The following DCLRE1A variants were observed in gnomAD, a reference collection of about 807,000 sequenced individuals.
DCLRE1A encodes DNA cross-link repair 1A.
DCLRE1A carries 64 observed loss-of-function variants against 91.9 expected under a neutral mutation model. The ratio of observed to expected loss-of-function variants is 0.70; its 90% CI spans 0.57 to 0.86. The LOEUF is 0.86. DCLRE1A is among the 40% of genes least tolerant of loss of function. DCLRE1A has a pLI of 0.00. For missense variants in DCLRE1A, 1,145 were observed against 1,213.3 expected, an observed-to-expected ratio of 0.94 and a Z score of 0.84; for synonymous variants, 416 against 431.1, an observed-to-expected ratio of 0.96 and a Z score of 0.43.
At chr10:113,851,406 C>A in intron 1 of DCLRE1A, among the ~76,000 whole-genome samples, 1 of 152,010 alleles carries the variant, frequency 6.6e-6, no homozygotes, top group Admixed American at 6.5e-5. Context: ...ACATGAAAGC[C>A]ATATTGAGTA....
chr10:113,842,244 TA>T, intron 6 of DCLRE1A, 98 bp downstream of exon 6: 1 of 1,039,258 alleles, frequency 9.6e-7, no homozygotes, highest in Non-Finnish European at 1.3e-6. Flanking sequence ...TTACAGGAAA[TA>T]ATTATCAAAT....
intron 8 of DCLRE1A, among the ~76,000 whole-genome samples, chr10:113,836,221 C>T (rs1403785951): frequency 6.6e-6 from 1 of 152,242 alleles, no homozygotes; most frequent in East Asian, 1.9e-4. Context: ...TGGACTAATA[C>T]AGATATGAAA....
At chr10:113,847,038 G>C (rs1042736895) in intron 3 of DCLRE1A, among the ~76,000 whole-genome samples, 164 bp downstream of exon 3, 2 of 152,110 alleles carry the variant, frequency 1.3e-5, no homozygotes, top group African/African-American at 2.4e-5. Context: ...ACTGAAACTT[G>C]ACATCAACTC....
At position 113,849,720 on chromosome 10, in the gene DCLRE1A, T is replaced by A. The variant is rs1385444229; in HGVS notation, c.1385A>T (p.Lys462Met). 1.4e-5 allele frequency: 22 copies of A among 1,614,112 alleles called. No individual in the cohort carries two copies. Among genetic ancestry groups the A allele is most frequent in the Non-Finnish European group, 1.8e-5 (21 of 1,180,048 alleles). ...TTCAAAAGGTTTCAACATTAAACTC[T>A]TAACTAACGGAAGAGAAACTTGATT... ...VYNQVSLPLV[K>M]SLMLKPFESQ... is the part of the protein sequence containing the mutation. Residue 462 changes from lysine to methionine, a missense_variant, in exon 2 of 9, where the codon AAG becomes ATG. By Grantham distance (95) the Lys-to-Met change is moderately conservative. Coordinates refer to ENST00000361384, the MANE Select transcript of DCLRE1A (RefSeq NM_014881.5).
chr10:113,847,374 C>T (rs1292854208), intron 2 of DCLRE1A, 39 bp from the exon 3 acceptor site: 1 of 1,604,550 alleles, frequency 6.2e-7, no homozygotes, highest in Non-Finnish European at 8.5e-7. Context: ...TGAGCAAGAG[C>T]TAAGATACCC....
Position 113,853,124 on chromosome 10 carries a change from T to A in DCLRE1A, c.59A>T (p.Lys20Ile). 6.3e-7 allele frequency: 1 copy of A among 1,594,644 alleles called. No homozygotes were observed. Among genetic ancestry groups the A allele is most frequent in the East Asian group, 2.2e-5 (1 of 44,816 alleles). Residue 20 changes from lysine to isoleucine, a missense_variant, in exon 1 of 9, where the codon AAA becomes ATA. Transcript: ENST00000361384. The part of the protein sequence containing the change: ...IWEYKSKRKP[K>I]RVDPNNGSKN... ...AGAGCCATTATTTGGATCAACTCGT[T>A]TTGGTTTTCTTTTAGATTTGTATTC...
intron 6 of DCLRE1A, 66 bp from the exon 7 acceptor site, chr10:113,841,626 G>A: frequency 6.7e-7 from 1 of 1,487,616 alleles, no homozygotes; most frequent in Non-Finnish European, 9.0e-7. Flanking sequence ...TACAGCTTAA[G>A]CAAATTTTAA....
At position 113,849,333 on chromosome 10, in the gene DCLRE1A, G is replaced by A. The variant is rs1285733351; in HGVS notation, c.1772C>T (p.Pro591Leu). The A allele has an allele frequency of 6.2e-7, 1 of 1,613,980 alleles. No homozygotes were observed. Reference protein sequence around the residue: ...EGINLNPVPSPNQKRSSQCKR... With the variant: ...EGINLNPVPSLNQKRSSQCKR... Reference sequence around the variant, plus strand: ...GCACTGCGAGGACCTCTTTTGATTAGGACTTGGAACTGGATTTAAGTTTAT... The same window carrying A: ...GCACTGCGAGGACCTCTTTTGATTAAGACTTGGAACTGGATTTAAGTTTAT... Residue 591 changes from proline to leucine, a missense_variant, in exon 2 of 9, where the codon CCT becomes CTT. Transcript: ENST00000361384.
rs570994816 is a variant in DCLRE1A, at chr10:113,837,241, C to A, written c.2821-38G>T. On this transcript the variant is annotated intron_variant, in intron 7 of 8. Transcript: ENST00000361384. Reference sequence around the variant, plus strand: ...AATAGCATATTGAGGTCAATGGAGACGAGTTATATGGAATAAAACAGACTG... The same window carrying A: ...AATAGCATATTGAGGTCAATGGAGAAGAGTTATATGGAATAAAACAGACTG... 3.7e-5 allele frequency: 59 copies of A among 1,579,718 alleles called. No homozygotes were observed. The South Asian group carries it at 5.7e-4, about 15-fold the overall frequency.
chr10:113,844,035 G>A, intron 5 of DCLRE1A, 69 bp downstream of exon 5: 1 of 1,552,336 alleles, frequency 6.4e-7, no homozygotes, highest in East Asian at 2.3e-5. Flanking sequence ...CCATCATTTT[G>A]ATAACCATAA....
intron 5 of DCLRE1A, among the ~76,000 whole-genome samples, chr10:113,843,142 A>C (rs921333862): frequency 6.6e-6 from 1 of 151,898 alleles, no homozygotes; most frequent in Non-Finnish European, 1.5e-5. Context: ...TTAAGCTACT[A>C]TCTATCTATC....
Position 113,849,226 on chromosome 10 carries a change from A to C in DCLRE1A, c.1879T>G (p.Ser627Ala). The C allele has an allele frequency of 6.2e-7, 1 of 1,614,120 alleles. No homozygotes were observed. Among genetic ancestry groups the C allele is most frequent in the Non-Finnish European group, 8.5e-7 (1 of 1,180,002 alleles). ...LHESQLSVEL[S>A]SERSQRQKKR... ...TTTTGACGCTGTGACCTCTCACTAG[A>C]AAGTTCCACAGAAAGCTGACTCTCA... is the stretch of plus-strand genomic sequence containing the variant. The change falls in exon 2 of 9, where the codon TCT becomes GCT. Residue 627 changes from serine to alanine, a missense_variant. Physicochemically the swap from Ser to Ala is moderately conservative, Grantham distance 99. Coordinates refer to ENST00000361384, the MANE Select transcript of DCLRE1A (RefSeq NM_014881.5).
chr10:113,848,329 T>C (rs1051966406), intron 2 of DCLRE1A, among the ~76,000 whole-genome samples: 3 of 151,908 alleles, frequency 2.0e-5, no homozygotes, highest in Admixed American at 6.6e-5. Context: ...AATAAATAAA[T>C]GAAGTACAGA....
At chr10:113,854,343 A>C (rs574270980), upstream of DCLRE1A, 1 of 152,218 alleles carries the variant, frequency 6.6e-6, no homozygotes, top group South Asian at 2.1e-4. Flanking sequence ...GGTTATCCCT[A>C]CCCGCTTTAC....
chr10:113,844,902 C>T (rs1055806460), intron 4 of DCLRE1A, among the ~76,000 whole-genome samples: 2 of 150,364 alleles, frequency 1.3e-5, no homozygotes, highest in East Asian at 1.9e-4. Context: ...TGCCATTGCA[C>T]TCCAACCTGG....
Position 113,853,089 on chromosome 10 carries a change from G to C in DCLRE1A, c.94C>G (p.Leu32Val), listed in dbSNP as rs1564847082. The change falls in exon 1 of 9, where the codon CTA becomes GTA. Residue 32 changes from leucine (L) to valine (V), a missense_variant. Physicochemically the swap from Leu to Val is conservative, Grantham distance 32 (BLOSUM62 1). Coordinates refer to ENST00000361384, the MANE Select transcript of DCLRE1A (RefSeq NM_014881.5). ...TCTGTTGCTTTTTCAACAGATTTTAGAATATTTTTAGAGCCATTATTTGGA... is the reference window on the plus strand; with the variant it reads ...TCTGTTGCTTTTTCAACAGATTTTACAATATTTTTAGAGCCATTATTTGGA... ...VDPNNGSKNI[L>V]KSVEKATDGK... 6.2e-7 allele frequency: 1 copy of C among 1,611,094 alleles called. No individual in the cohort carries two copies. Among genetic ancestry groups the C allele is most frequent in the Non-Finnish European group, 8.5e-7 (1 of 1,179,460 alleles).
At position 113,849,440 on chromosome 10, in the gene DCLRE1A, C is replaced by A. The variant is rs1179255203; in HGVS notation, c.1665G>T (p.Lys555Asn). ...NARHPSTKVM[K>N]QMDIGVYFGL... is the part of the protein sequence containing the mutation. ...CAAAATACACACCTATATCCATTTG[C>A]TTCATTACCTTGGTAGAAGGATGTC... Residue 555 changes from lysine (K) to asparagine (N), a missense_variant, in exon 2 of 9, where the codon AAG becomes AAT. Physicochemically the swap from Lys to Asn is moderately conservative, Grantham distance 94. Transcript: ENST00000361384. The A allele has an allele frequency of 6.2e-7, 1 of 1,614,094 alleles. No homozygotes were observed. Among genetic ancestry groups the A allele is most frequent in the South Asian group, 1.1e-5 (1 of 91,082 alleles).
intron 8 of DCLRE1A, 136 bp from the exon 9 acceptor site, chr10:113,835,448 G>C: frequency 1.3e-6 from 1 of 789,978 alleles, no homozygotes; most frequent in East Asian, 2.9e-5. Context: ...CAGTGCTTTA[G>C]TTCTGAAAAG....
In DCLRE1A at chr10:113,848,974, A is replaced by C. The variant is rs17228700; in HGVS notation, c.2125+6T>G. 6.1e-4 allele frequency: 980 copies of C among 1,606,486 alleles called. No homozygotes were observed. Among genetic ancestry groups the C allele is most frequent in the African/African-American group, 3.6e-3 (271 of 74,510 alleles). On this transcript the variant is annotated splice_donor_region_variant and intron_variant, in intron 2 of 8. Transcript: ENST00000361384. ...TGATATATCGAGTATTGACATTTCA[A>C]CTTACCAGGTATTTTCTTATAGAAT...
Sources: gnomAD v4.1 joint callset for allele counts (sites outside exome capture counted in the v4.1 genomes callset) on GRCh38, gnomAD v4.1.1 for gene constraint, MANE v1.5 for transcripts, NCBI Gene and HGNC (gene_info 2026-07-23, HGNC 2026-07-21) for gene names.